The following CLK4 variants were observed in gnomAD, a reference collection of about 807,000 sequenced individuals.
CLK4 encodes the protein CDC like kinase 4.
Under a neutral mutation model 64.4 loss-of-function variants are expected in CLK4, and 37 were observed. The ratio of observed to expected loss-of-function variants is 0.57; its 90% confidence interval spans 0.44 to 0.76. The LOEUF is 0.76. Among genes scored for constraint, CLK4 ranks in the 30% least tolerant of loss-of-function variants. The pLI is 0.00. For synonymous variants in CLK4, 175 were observed against 191.6 expected (o/e 0.91, Z 0.72); for missense variants, 457 against 605.1 (o/e 0.76, Z 2.57).
chr5:178,605,339 A>T lies in CLK4; in HGVS notation c.1178T>A (p.Leu393Ter). ...KEHLAMMERILGPIPQHMIQK... is the reference protein window; with the variant it reads ...KEHLAMMERI ...AATCATGTGTTGTGGTATGGGTCCT[A>T]ATATTCGTTCCATCATTGCCAGGTG... is the stretch of plus-strand genomic sequence containing the variant. Residue 393 changes from leucine (L) to a stop codon, truncating the protein, a stop_gained, in exon 11 of 13, where the codon TTA becomes TAA. Transcript: ENST00000316308. LOFTEE classifies it high-confidence loss of function. 1 of 1,595,946 alleles carries T rather than the reference A, an allele frequency of 6.3e-7. No individual in the cohort carries two copies. The highest frequency in any genetic ancestry group is 8.5e-7 in the Non-Finnish European group (1 of 1,174,312).
chr5:178,609,735 ATATAT>A (rs1764528944), intron 9 of CLK4, among the ~76,000 whole-genome samples: 2 of 23,432 alleles, frequency 8.5e-5, no homozygotes, highest in African/African-American at 3.1e-4. Context: ...AAATTTTAAA[ATATAT>A]ATATATATAT....
intron 9 of CLK4, among the ~76,000 whole-genome samples, chr5:178,609,338 C>T (rs1764519052): frequency 6.6e-6 from 1 of 152,154 alleles, no homozygotes; most frequent in Non-Finnish European, 1.5e-5. Context: ...TGACTTAAGT[C>T]ATTTTTGTTA....
At chr5:178,618,879 A>G (rs1387757951) in intron 2 of CLK4, 101 bp from the exon 3 acceptor site, 4 of 820,796 alleles carry the variant, frequency 4.9e-6, no homozygotes, top group Non-Finnish European at 7.6e-6. Flanking sequence ...CTAACTCAAT[A>G]TAAGAAAAAA....
intron 5 of CLK4, among the ~76,000 whole-genome samples, chr5:178,616,528 G>C (rs1411276538): frequency 6.6e-6 from 1 of 152,186 alleles, no homozygotes; most frequent in Non-Finnish European, 1.5e-5. Flanking sequence ...GGGCACAGGG[G>C]CTCAGGCTTG....
In CLK4 at chr5:178,625,754, C is replaced by A. The variant is rs73351821; in HGVS notation, c.-1+1192G>T. Among the ~76,000 whole-genome samples, 1,309 of 152,238 alleles carry A rather than the reference C, an allele frequency of 8.6e-3. 27 individuals carry two copies. The highest frequency in any genetic ancestry group is 0.03 in the African/African-American group (1,240 of 41,534). ...CAAACATTAAAATAAGAACGAGCTCCGTTGTGAGAGTCCAAAATTCTTCTC... is the reference window on the plus strand; with the variant it reads ...CAAACATTAAAATAAGAACGAGCTCAGTTGTGAGAGTCCAAAATTCTTCTC... On this transcript the variant is annotated intron_variant, in intron 1 of 12. Transcript: ENST00000316308.
intron 7 of CLK4, 136 bp downstream of exon 7, chr5:178,613,337 C>T (rs555615663): frequency 1.3e-5 from 6 of 451,990 alleles, no homozygotes; most frequent in Admixed American, 4.3e-5. Context: ...AGGAAAATGG[C>T]GTGAACCCGG....
rs768027467 is a variant in CLK4 at position 178,618,707 on chromosome 5, T to G, written c.233A>C (p.Asn78Thr). The part of the protein sequence containing the change: ...RDRRYVDEYR[N>T]DYCEGYVPRH... ...AGGAACATATCCTTCACAGTAGTCA[T>G]TCCTGTATTCGTCAACGTATCTCCG... The change falls in exon 3 of 13, where the codon AAT becomes ACT. Residue 78 changes from asparagine to threonine, a missense_variant. Physicochemically the swap from Asn to Thr is moderately conservative, Grantham distance 65 (BLOSUM62 0). Coordinates refer to ENST00000316308, the MANE Select transcript of CLK4 (RefSeq NM_020666.3). The G allele has an allele frequency of 1.9e-6, 3 of 1,614,024 alleles. No homozygotes were observed. The highest frequency in any genetic ancestry group is 3.3e-5 in the Admixed American group (2 of 60,016).
chr5:178,616,242 G>A (rs1331154807), intron 5 of CLK4, among the ~76,000 whole-genome samples: 1 of 152,110 alleles, frequency 6.6e-6, no homozygotes, highest in Admixed American at 6.6e-5. Context: ...GGGATTACAG[G>A]CATGTGCCAC....
chr5:178,606,030 T>C (rs183088321), intron 10 of CLK4, among the ~76,000 whole-genome samples: 533 of 152,336 alleles, frequency 3.5e-3, no homozygotes, highest in Non-Finnish European at 5.7e-3. Flanking sequence ...GCAACACTTT[T>C]AAAAGAAATC....
chr5:178,615,256 A>G (rs1562129085), intron 5 of CLK4, among the ~76,000 whole-genome samples: 1 of 152,258 alleles, frequency 6.6e-6, no homozygotes, highest in African/African-American at 2.4e-5. Context: ...GAAATTCTAA[A>G]AGGACATTAA....
In CLK4 at chr5:178,613,861, G is replaced by A; in HGVS notation, c.543-18C>T. Reference sequence around the variant, plus strand: ...TGCCATCCCTTAAAAATAAAATTAAGATAAAAATGATAAATGTACAAGAGT... The same window carrying A: ...TGCCATCCCTTAAAAATAAAATTAAAATAAAAATGATAAATGTACAAGAGT... On this transcript the variant is annotated intron_variant, in intron 5 of 12. Coordinates refer to ENST00000316308, the MANE Select transcript of CLK4 (RefSeq NM_020666.3). The A allele has an allele frequency of 6.4e-7, 1 of 1,560,606 alleles. No individual in the cohort carries two copies. Among genetic ancestry groups the A allele is most frequent in the Non-Finnish European group, 8.8e-7 (1 of 1,132,116 alleles).
rs1316222357 is a variant in CLK4 at position 178,615,285 on chromosome 5, C to A, written c.543-1442G>T. On this transcript the variant is annotated intron_variant, in intron 5 of 12. Coordinates refer to ENST00000316308, the MANE Select transcript of CLK4 (RefSeq NM_020666.3). ...ACATTAATGGGATGACTGGTGAAAT[C>A]TGAATAAAGTCTGCAGATTAGTTGG... Among the ~76,000 whole-genome samples the A allele has an allele frequency of 2.6e-5, 4 of 152,110 alleles. No individual in the cohort carries two copies. The East Asian group carries it at 7.7e-4, about 29-fold the overall frequency.
chr5:178,617,549 C>G lies in CLK4; in HGVS notation c.385-115G>C. On this transcript the variant is annotated intron_variant, in intron 3 of 12. Coordinates refer to ENST00000316308, the MANE Select transcript of CLK4 (RefSeq NM_020666.3). The surrounding 1 kb of genome is among the most constrained non-coding windows in gnomAD (Gnocchi z 5.2). ...GGAGATATTCAGGCATTCAGATAAG[C>G]ACCAGGCCACGAACAGTTGGCAGGA... is the stretch of plus-strand genomic sequence containing the variant. 9.1e-7 allele frequency: 1 copy of G among 1,098,050 alleles called. No individual in the cohort carries two copies. The highest frequency in any genetic ancestry group is 2.6e-5 in the Admixed American group (1 of 37,890). The allele number at this position is 1,098,050 out of a possible 1,614,324, so 68.0% of individuals were successfully genotyped here.
intron 10 of CLK4, among the ~76,000 whole-genome samples, chr5:178,606,917 G>A (rs761166230): frequency 8.0e-5 from 12 of 150,408 alleles, no homozygotes; most frequent in South Asian, 2.1e-4. Flanking sequence ...CTGACGTTGC[G>A]CCACTGCACT....
At position 178,613,633 on chromosome 5, in the gene CLK4, A is replaced by G; in HGVS notation, c.666T>C (p.Cys222=). ...GATCAAACCATTCTAGCATCTGGAC[A>G]CATCGGCTAAAACAGAGCAAAATAA... ...NSTDPNSVFR[C]VQMLEWFDHH... The change falls in exon 7 of 13, where the codon TGT becomes TGC. Residue 222 remains cysteine (C), a synonymous_variant. Coordinates refer to ENST00000316308, the MANE Select transcript of CLK4 (RefSeq NM_020666.3). 2 of 1,609,456 alleles carry G rather than the reference A, an allele frequency of 1.2e-6. No individual in the cohort carries two copies. The highest frequency in any genetic ancestry group is 1.1e-5 in the South Asian group (1 of 90,128).
rs370822459 is a variant in CLK4 at position 178,612,401 on chromosome 5, C to T, written c.1051+15G>A. ...TTCTTCAATTATAATATTAGAAAGC[C>T]TGGTGTCTACTGACCCAAAATGACC... On this transcript the variant is annotated intron_variant, in intron 9 of 12. Coordinates refer to ENST00000316308, the MANE Select transcript of CLK4 (RefSeq NM_020666.3). The T allele has an allele frequency of 7.7e-5, 121 of 1,577,292 alleles. 2 individuals are homozygous for T. The African/African-American group carries it at 1.4e-3, about 19-fold the overall frequency.
In CLK4 at chr5:178,602,774, C is replaced by G. The variant is rs1764406235; in HGVS notation, c.*843G>C. The G allele has an allele frequency of 6.6e-6, 1 of 152,232 alleles. No individual in the cohort carries two copies. Among genetic ancestry groups the G allele is most frequent in the Non-Finnish European group, 1.5e-5 (1 of 68,046 alleles). The allele number at this position is 152,232 out of a possible 1,614,324, so 9.4% of individuals were successfully genotyped here. ...CCTCTTTCTCCCGTAAGAATTATCACAGACATAAATTGCCTAATTAATAAA... is the reference window on the plus strand; with the variant it reads ...CCTCTTTCTCCCGTAAGAATTATCAGAGACATAAATTGCCTAATTAATAAA... On this transcript the variant is annotated 3_prime_UTR_variant, in exon 13 of 13. Transcript: ENST00000316308.
intron 9 of CLK4, among the ~76,000 whole-genome samples, chr5:178,611,019 G>A (rs1358996322): frequency 9.9e-5 from 15 of 151,482 alleles, no homozygotes; most frequent in African/African-American, 2.9e-4. Flanking sequence ...GTTGCAGTGA[G>A]CCGAGATGGT....
intron 2 of CLK4, among the ~76,000 whole-genome samples, chr5:178,620,828 G>GA (rs1156418391): frequency 2.0e-5 from 3 of 152,256 alleles, no homozygotes; most frequent in Admixed American, 6.5e-5. Context: ...AGAGATGGGG[G>GA]AAAAAATCTG....
Sources: gnomAD v4.1 joint callset for allele counts (sites outside exome capture counted in the v4.1 genomes callset) on GRCh38, gnomAD v4.1.1 for gene constraint, Gnocchi (gnomAD v3.1) non-coding constraint, MANE v1.5 for transcripts, NCBI Gene and HGNC (gene_info 2026-07-23, HGNC 2026-07-21) for gene names.